The following SERPINB6 variants were observed in gnomAD, a reference collection of about 807,000 sequenced individuals.
SERPINB6 encodes serpin B6.
A neutral mutation model predicts 26.1 loss-of-function variants in SERPINB6; 16 were observed. That is an observed-to-expected ratio of 0.61 (90% CI 0.42 to 0.93). The LOEUF (loss-of-function observed/expected upper bound fraction) is 0.93, where lower values mean the gene tolerates loss of function less well. Ranked by LOEUF, SERPINB6 falls within the 40% of genes least tolerant of loss-of-function variation. The pLI, the probability that SERPINB6 is intolerant of heterozygous loss-of-function variation, is 0.00. For synonymous variants in SERPINB6, 174 were observed against 176.6 expected (o/e 0.99, Z 0.11); for missense variants, 420 against 478.0 (o/e 0.88, Z 1.13).
chr6:2,966,856 G>A (rs538700419), intron 1 of SERPINB6: 2 of 723,106 alleles, frequency 2.8e-6, no homozygotes, highest in African/African-American at 1.9e-5. Context: ...GGTCTCGCTC[G>A]GTGGCCGAGG....
rs1770381207 is a variant in SERPINB6 at position 2,955,628 on chromosome 6, G to C, written c.208C>G (p.Gln70Glu). 6.2e-7 allele frequency: 1 copy of C among 1,614,040 alleles called. No homozygotes were observed. The highest frequency in any genetic ancestry group is 1.3e-5 in the African/African-American group (1 of 74,912). Residue 70 changes from glutamine to glutamate, a missense_variant, in exon 3 of 7, where the codon CAG becomes GAG. By Grantham distance (29) the Gln-to-Glu change is conservative (BLOSUM62 2). Coordinates refer to ENST00000380539, the MANE Select transcript of SERPINB6 (RefSeq NM_004568.6). ...TCGGTGAGAAGAGACTGGAAGCCCT[G>C]GTGGATGTCTCCACCACCGCCACTT... ...NKSGGGGDIH[Q>E]GFQSLLTEVN...
rs753520694 is a variant in SERPINB6 at position 2,948,257 on chromosome 6, G to T, written c.*41C>A. 48 of 1,611,166 alleles carry T rather than the reference G, an allele frequency of 3.0e-5. No individual in the cohort carries two copies. The highest frequency in any genetic ancestry group is 8.5e-6 in the Non-Finnish European group (10 of 1,178,996). On this transcript the variant is annotated 3_prime_UTR_variant, in exon 7 of 7. Coordinates refer to ENST00000380539, the MANE Select transcript of SERPINB6 (RefSeq NM_004568.6). The surrounding 1 kb of genome is among the most constrained non-coding windows in gnomAD (Gnocchi z 5.0). ...GCAGGCACACTGTGGAGTGTCAGGG[G>T]ACAGAGAGGAGAGGGGCTGCACACC...
chr6:2,968,710 C>T, intron 1 of SERPINB6: 1 of 1,231,176 alleles, frequency 8.1e-7, no homozygotes, highest in Non-Finnish European at 1.0e-6. Context: ...TCCAAACATT[C>T]CTAACAACCC....
chr6:2,965,359 T>C (rs1771519442), intron 1 of SERPINB6, among the ~76,000 whole-genome samples: 1 of 152,264 alleles, frequency 6.6e-6, no homozygotes. Flanking sequence ...GAAATGTTCA[T>C]AGACGGGGAC....
At chr6:2,969,820 C>T in intron 1 of SERPINB6, 3 of 980,760 alleles carry the variant, frequency 3.1e-6, no homozygotes, top group Non-Finnish European at 3.6e-6. Context: ...ATCTGAGCAG[C>T]CTAACATATA....
At position 2,968,937 on chromosome 6, in the gene SERPINB6, A is replaced by G. The variant is rs371772905; in HGVS notation, c.-11+2596T>C. 92 of 1,223,172 alleles carry G rather than the reference A, an allele frequency of 7.5e-5. No homozygotes were observed. The African/African-American group carries it at 1.3e-3, about 17-fold the overall frequency. 75.8% of individuals were successfully genotyped at this position (1,223,172 alleles called of 1,614,324 possible). The stretch of plus-strand genomic sequence containing the variant: ...TTCTGGAAGGAGATGGGGTGGAAGC[A>G]GATGGGGGTCGGGGGGCTTCTACTG... On this transcript the variant is annotated intron_variant, in intron 1 of 6. Coordinates refer to ENST00000380539, the MANE Select transcript of SERPINB6 (RefSeq NM_004568.6).
chr6:2,948,839 G>A lies in SERPINB6; in HGVS notation c.729+75C>T. 6.3e-7 allele frequency: 1 copy of A among 1,598,594 alleles called. No individual in the cohort carries two copies. Among genetic ancestry groups the A allele is most frequent in the Non-Finnish European group, 8.6e-7 (1 of 1,167,372 alleles). On this transcript the variant is annotated intron_variant, in intron 6 of 6. Coordinates refer to ENST00000380539, the MANE Select transcript of SERPINB6 (RefSeq NM_004568.6). This position sits in a 1 kb window ranked among gnomAD's most constrained non-coding sequence, Gnocchi z 5.0. ...CCAGTGTTAAACGGCTGACCGCAAA[G>A]TAGGGACAGCAGCCACAGCAGACAC...
intron 4 of SERPINB6, 66 bp from the exon 5 acceptor site, chr6:2,953,252 C>A: frequency 6.2e-7 from 1 of 1,606,860 alleles, no homozygotes; most frequent in South Asian, 1.1e-5. Context: ...CATCAGGAAT[C>A]GGCTGGGGCC....
rs766910837 is a variant in SERPINB6 at position 2,951,393 on chromosome 6, A to AT, written c.573+1650_573+1651insA. Among the ~76,000 whole-genome samples the AT allele has an allele frequency of 8.8e-3, 1,188 of 135,676 alleles. 21 individuals carry two copies. Among genetic ancestry groups the AT allele is most frequent in the South Asian group, 0.011 (43 of 4,030 alleles). 89.0% of individuals were successfully genotyped at this position (135,676 alleles called of 152,430 possible). ...AAGAGAGAAACTCTGTCTTGGAAAA[A>AT]ATAAAAAATAAAAAAAAAAAATAAG... On this transcript the variant is annotated intron_variant, in intron 5 of 6. Transcript: ENST00000380539.
At chr6:2,955,284 G>T in intron 3 of SERPINB6, 1 of 555,524 alleles carries the variant, frequency 1.8e-6, no homozygotes, top group Non-Finnish European at 3.2e-6. Flanking sequence ...GATCCTTTAA[G>T]GGAGCAGCCA....
chr6:2,968,676 G>A (rs1432160535), intron 1 of SERPINB6: 1 of 1,228,894 alleles, frequency 8.1e-7, no homozygotes, highest in Non-Finnish European at 1.0e-6. Flanking sequence ...ATTTTATTTA[G>A]GTCTCTCTTT....
At chr6:2,956,739 T>A (rs1770529534) in intron 2 of SERPINB6, 1 of 152,172 alleles carries the variant, frequency 6.6e-6, no homozygotes, top group South Asian at 2.1e-4. Context: ...GAGAATCACT[T>A]GAACCCGGGA....
At chr6:2,971,209 C>T in intron 1 of SERPINB6, 1 of 981,722 alleles carries the variant, frequency 1.0e-6, no homozygotes, top group Non-Finnish European at 1.2e-6. Flanking sequence ...CTCGGGTCCG[C>T]GGCGTCACCG....
chr6:2,969,797 ATG>A, intron 1 of SERPINB6: 3 of 979,784 alleles, frequency 3.1e-6, no homozygotes, highest in Non-Finnish European at 3.6e-6. Context: ...TTGTGTGTGT[ATG>A]TGTTTAATAT....
chr6:2,969,863 G>A (rs1038236674), intron 1 of SERPINB6: 19 of 938,758 alleles, frequency 2.0e-5, no homozygotes, highest in Non-Finnish European at 2.4e-5. Context: ...CAGGCTAGGC[G>A]CAGTGGCTCA....
intron 4 of SERPINB6, among the ~76,000 whole-genome samples, chr6:2,954,386 A>C (rs1458998300): frequency 6.6e-6 from 1 of 152,240 alleles, no homozygotes; most frequent in Non-Finnish European, 1.5e-5. Context: ...CCAAGGAAAC[A>C]GGGAGAAATC....
intron 2 of SERPINB6, 96 bp from the exon 3 acceptor site, chr6:2,955,766 C>T: frequency 7.4e-7 from 1 of 1,345,528 alleles, no homozygotes; most frequent in Non-Finnish European, 1.0e-6. Flanking sequence ...CCATCCAGAC[C>T]CTTATTACTG....
At chr6:2,952,943 G>A (rs1769976950) in intron 5 of SERPINB6, 101 bp downstream of exon 5, 1 of 1,540,384 alleles carries the variant, frequency 6.5e-7, no homozygotes, top group Non-Finnish European at 8.9e-7. Context: ...AAGCAGGAGG[G>A]GCAGGGACAG....
upstream of SERPINB6, chr6:2,971,584 C>T (rs1772186415): frequency 1.3e-5 from 2 of 152,264 alleles, no homozygotes. Flanking sequence ...GCCGGAGCCG[C>T]CCCGGACCTC....
Sources: gnomAD v4.1 joint callset for allele counts (sites outside exome capture counted in the v4.1 genomes callset) on GRCh38, gnomAD v4.1.1 for gene constraint, Gnocchi (gnomAD v3.1) non-coding constraint, MANE v1.5 for transcripts, NCBI Gene and HGNC (gene_info 2026-07-23, HGNC 2026-07-21) for gene names.